GRID1: variants seen among roughly 807,000 people sequenced by gnomAD.
GRID1 encodes glutamate receptor ionotropic, delta-1.
In GRID1, 28 loss-of-function variants were observed where a neutral mutation model predicts 98.0. The ratio of observed to expected loss-of-function variants is 0.29; its 90% confidence interval spans 0.21 to 0.39. The LOEUF is 0.39. Ranked by LOEUF, GRID1 falls within the 10% of genes least tolerant of loss-of-function variation. GRID1 has a pLI of 1.00. For missense variants in GRID1, 1,111 were observed against 1,340.5 expected, an observed-to-expected ratio of 0.83 and a Z score of 2.67; for synonymous variants, 553 against 538.5, an observed-to-expected ratio of 1.03 and a Z score of -0.37.
intron 3 of GRID1, among the ~76,000 whole-genome samples, chr10:86,200,896 A>G (rs1483539016): frequency 6.6e-6 from 1 of 152,216 alleles, no homozygotes; most frequent in African/African-American, 2.4e-5. Flanking sequence ...TTTACACTAG[A>G]AACCTAAAAG....
intron 4 of GRID1, among the ~76,000 whole-genome samples, chr10:86,107,955 A>G (rs915312231): frequency 1.1e-4 from 17 of 152,164 alleles, no homozygotes; most frequent in African/African-American, 4.1e-4. Flanking sequence ...CCCACGTGTG[A>G]TCCAATTCTT....
At chr10:85,907,254 G>C (rs1841475471) in intron 5 of GRID1, among the ~76,000 whole-genome samples, 1 of 152,164 alleles carries the variant, frequency 6.6e-6, no homozygotes, top group Non-Finnish European at 1.5e-5. Flanking sequence ...TGGGATTACA[G>C]GGGTGTATCA....
At chr10:86,211,770 G>C (rs1846111317) in intron 2 of GRID1, among the ~76,000 whole-genome samples, 1 of 152,100 alleles carries the variant, frequency 6.6e-6, no homozygotes. Flanking sequence ...CAGCCAGAGA[G>C]CAAACAGCAA....
At chr10:85,981,925 AG>A (rs1388885957) in intron 4 of GRID1, among the ~76,000 whole-genome samples, 1 of 152,238 alleles carries the variant, frequency 6.6e-6, no homozygotes, top group African/African-American at 2.4e-5. Context: ...CAGGGTGGTC[AG>A]GAAAGGCCTC....
intron 15 of GRID1, among the ~76,000 whole-genome samples, chr10:85,608,348 G>C (rs2132508360): frequency 6.6e-6 from 1 of 152,332 alleles, no homozygotes; most frequent in East Asian, 1.9e-4. Flanking sequence ...CAGGGCCCAA[G>C]CATCTGTATT....
chr10:86,065,871 AG>A (rs1843713309), intron 4 of GRID1, among the ~76,000 whole-genome samples: 1 of 152,192 alleles, frequency 6.6e-6, no homozygotes, highest in South Asian at 2.1e-4. Flanking sequence ...TCTAGATGTG[AG>A]GGGCTACAGA....
intron 2 of GRID1, among the ~76,000 whole-genome samples, chr10:86,272,716 C>A (rs1201762066): frequency 6.6e-6 from 1 of 152,128 alleles, no homozygotes; most frequent in African/African-American, 2.4e-5. Flanking sequence ...ATACAATAGA[C>A]TGCCTAAGAC....
intron 8 of GRID1, among the ~76,000 whole-genome samples, chr10:85,784,452 G>A (rs1842407625): frequency 6.6e-6 from 1 of 152,142 alleles, no homozygotes; most frequent in Non-Finnish European, 1.5e-5. Context: ...GTCTGTCCGG[G>A]GCACTCTGTC....
chr10:85,842,300 A>T (rs1041527538), intron 8 of GRID1, among the ~76,000 whole-genome samples: 1 of 151,972 alleles, frequency 6.6e-6, no homozygotes, highest in Non-Finnish European at 1.5e-5. Flanking sequence ...ATGGAAACAC[A>T]CACTGAGGCC....
intron 4 of GRID1, among the ~76,000 whole-genome samples, chr10:86,012,594 C>G (rs964864041): frequency 7.2e-5 from 11 of 152,150 alleles, no homozygotes; most frequent in African/African-American, 2.4e-5. Context: ...TGTGTCCCCC[C>G]CAAAATTCAG....
rs139144136 is a variant in GRID1, at chr10:86,294,008, A to T, written c.235+69933T>A. Among the ~76,000 whole-genome samples the T allele has an allele frequency of 8.7e-3, 1,320 of 152,340 alleles. 10 individuals carry two copies. The highest frequency in any genetic ancestry group is 0.013 in the Non-Finnish European group (867 of 68,028). ...TCAATTCAAAAATATGGCTGAGTGG[A>T]TGATAGAGTATATTCGCGGGTGATC... is the stretch of plus-strand genomic sequence containing the variant. On this transcript the variant is annotated intron_variant, in intron 2 of 15. Transcript: ENST00000327946.
intron 8 of GRID1, among the ~76,000 whole-genome samples, chr10:85,839,022 T>G (rs564001138): frequency 2.6e-5 from 4 of 152,104 alleles, no homozygotes; most frequent in Admixed American, 2.0e-4. Context: ...AGACTTTAAA[T>G]CAATAAAGAT....
intron 4 of GRID1, among the ~76,000 whole-genome samples, chr10:86,045,026 C>T (rs1564658310): frequency 2.6e-5 from 4 of 152,328 alleles, no homozygotes; most frequent in African/African-American, 9.6e-5. Context: ...ATGCAAGGAC[C>T]ACAAATCCTT....
intron 3 of GRID1, among the ~76,000 whole-genome samples, chr10:86,179,686 A>G (rs371285155): frequency 6.6e-6 from 1 of 152,196 alleles, no homozygotes; most frequent in East Asian, 1.9e-4. Context: ...CCTCAGGGCC[A>G]CAGCCAATCA....
chr10:85,938,631 G>A (rs1458465131), intron 4 of GRID1, among the ~76,000 whole-genome samples: 4 of 152,112 alleles, frequency 2.6e-5, no homozygotes, highest in Non-Finnish European at 5.9e-5. Flanking sequence ...CAGGGATAGT[G>A]AGTAAACATG....
Position 85,862,245 on chromosome 10 carries a change from TAAG to T in GRID1, c.952-6058_952-6056del, listed in dbSNP as rs1843169734. Among the ~76,000 whole-genome samples the T allele has an allele frequency of 1.1e-4, 17 of 152,314 alleles. No homozygotes were observed. In the South Asian group the frequency reaches 3.5e-3, roughly 32 times the overall value. On this transcript the variant is annotated intron_variant, in intron 6 of 15. Coordinates refer to ENST00000327946, the MANE Select transcript of GRID1 (RefSeq NM_017551.3). The stretch of plus-strand genomic sequence containing the variant: ...AGGAACATTTATGAAAGGTCTAACA[TAAG>T]AAGAAATGCATAACAAATGCATAAA...
At chr10:85,811,148 A>G (rs1842667486) in intron 8 of GRID1, among the ~76,000 whole-genome samples, 1 of 152,220 alleles carries the variant, frequency 6.6e-6, no homozygotes, top group Non-Finnish European at 1.5e-5. Flanking sequence ...CATGGATTAC[A>G]TCTGAAGAAA....
chr10:86,066,565 C>T (rs1843722944), intron 4 of GRID1, among the ~76,000 whole-genome samples: 1 of 152,222 alleles, frequency 6.6e-6, no homozygotes, highest in Admixed American at 6.5e-5. Context: ...CTCTGCCCAT[C>T]ATGCTATGGA....
intron 4 of GRID1, among the ~76,000 whole-genome samples, chr10:85,928,357 A>G (rs1841804197): frequency 6.6e-6 from 1 of 152,262 alleles, no homozygotes. Context: ...GGACAGGGAT[A>G]GGGCAAGGGC....
Sources: gnomAD v4.1 joint callset for allele counts (sites outside exome capture counted in the v4.1 genomes callset) on GRCh38, gnomAD v4.1.1 for gene constraint, MANE v1.5 for transcripts, NCBI Gene and HGNC (gene_info 2026-07-23, HGNC 2026-07-21) for gene names.